Variants in PRMT8 observed in about 807,000 individuals in gnomAD.
PRMT8 encodes the protein protein arginine methyltransferase 8, also known as protein arginine N-methyltransferase 8.
A neutral mutation model predicts 47.1 loss-of-function variants in PRMT8; 7 were observed. The ratio of observed to expected loss-of-function variants is 0.15; its 90% CI spans 0.08 to 0.28. PRMT8 has a LOEUF of 0.28. PRMT8 is among the 10% of genes least tolerant of loss of function. The pLI is 1.00. For synonymous variants in PRMT8, 188 were observed against 186.5 expected (o/e 1.01, Z -0.07); for missense variants, 237 against 505.4 (o/e 0.47, Z 5.09).
intron 1 of PRMT8, among the ~76,000 whole-genome samples, chr12:3,434,761 A>T (rs201047868): frequency 1.1e-4 from 10 of 87,254 alleles, no homozygotes; most frequent in African/African-American, 2.1e-4. Flanking sequence ...TTTTTTTTTT[A>T]AACTCAGATT....
In PRMT8 at chr12:3,491,500, C is replaced by G. The variant is rs947444215; in HGVS notation, c.-126C>G. The stretch of plus-strand genomic sequence containing the variant: ...CGCTGTGGCTGACTGTGCCGGCCGA[C>G]GCTCCAGCTGAGGGGCTGGGTTGGA... On this transcript the variant is annotated 5_prime_UTR_variant, in exon 1 of 10. Coordinates refer to ENST00000382622, the MANE Select transcript of PRMT8 (RefSeq NM_019854.5). The G allele has an allele frequency of 1.4e-6, 2 of 1,444,762 alleles. No homozygotes were observed. The highest frequency in any genetic ancestry group is 1.8e-6 in the Non-Finnish European group (2 of 1,101,742). The allele number at this position is 1,444,762 out of a possible 1,614,324, so 89.5% of individuals were successfully genotyped here.
At chr12:3,447,949 G>T (rs1864875474) in intron 1 of PRMT8, among the ~76,000 whole-genome samples, 1 of 152,172 alleles carries the variant, frequency 6.6e-6, no homozygotes, top group Admixed American at 6.5e-5. Context: ...TAATCTCTAT[G>T]GTCGATTGTC....
intron 1 of PRMT8, among the ~76,000 whole-genome samples, chr12:3,443,559 G>A (rs1374079922): frequency 6.6e-6 from 1 of 152,168 alleles, no homozygotes; most frequent in Admixed American, 6.5e-5. Flanking sequence ...CCTGGCCAAA[G>A]CCACCATCAT....
chr12:3,434,938 A>G (rs1864721317), intron 1 of PRMT8, among the ~76,000 whole-genome samples: 1 of 147,744 alleles, frequency 6.8e-6, no homozygotes, highest in Non-Finnish European at 1.5e-5. Context: ...GAGGTAGAGG[A>G]GTCCCCAGTG....
intron 1 of PRMT8, among the ~76,000 whole-genome samples, chr12:3,533,501 C>T (rs1866067492): frequency 6.6e-6 from 1 of 152,196 alleles, no homozygotes; most frequent in African/African-American, 2.4e-5. Context: ...TTATGGGTGG[C>T]CCAAGACCAT....
chr12:3,476,107 A>G (rs7979079), intron 1 of PRMT8, among the ~76,000 whole-genome samples: 115,290 of 152,046 alleles, frequency 0.76, 43,988 homozygotes, highest in Middle Eastern at 0.86. Context: ...TTTTCCCTCT[A>G]AACACTGAGT....
intron 8 of PRMT8, among the ~76,000 whole-genome samples, chr12:3,588,013 G>A (rs1270326568): frequency 2.0e-5 from 3 of 152,194 alleles, no homozygotes. Flanking sequence ...GGGAACTGGG[G>A]CCCCTGGGGC....
At chr12:3,486,899 G>A (rs2137105685), upstream of PRMT8, among the ~76,000 whole-genome samples, 1 of 152,332 alleles carries the variant, frequency 6.6e-6, no homozygotes, top group East Asian at 1.9e-4. Flanking sequence ...TGGTTTTAAT[G>A]GCAAAAGAAA....
At chr12:3,442,339 A>T (rs116942958) in intron 1 of PRMT8, among the ~76,000 whole-genome samples, 4,271 of 149,682 alleles carry the variant, frequency 0.029, 83 homozygotes, top group Middle Eastern at 0.035. Flanking sequence ...GAGAAAGAAT[A>T]AAAAAAAAAC....
At chr12:3,474,087 A>G (rs907253819) in intron 1 of PRMT8, among the ~76,000 whole-genome samples, 5 of 152,156 alleles carry the variant, frequency 3.3e-5, no homozygotes, top group African/African-American at 9.7e-5. Context: ...ACAAATGCAA[A>G]TTGGCTCATG....
In PRMT8 at chr12:3,473,823, G is replaced by A. The variant is rs115123982; in HGVS notation, c.49-66783G>A. On this transcript the variant is annotated intron_variant, in intron 1 of 9. Transcript: ENST00000452611. ...CAGCCCCGCCTTAGTTTAGCTGGGC[G>A]TATTCCCTGCTTCTCCCTCTCATCC... is the stretch of plus-strand genomic sequence containing the variant. Among the ~76,000 whole-genome samples, 810 of 152,252 alleles carry A rather than the reference G, an allele frequency of 5.3e-3. 6 individuals are homozygous for A. The highest frequency in any genetic ancestry group is 0.024 in the Middle Eastern group (7 of 294).
Position 3,508,973 on chromosome 12 carries a change from C to T in PRMT8, c.75+17273C>T, listed in dbSNP as rs1178095494. ...CATCTGAAATGTTTCTCCTCTTTGT[C>T]CTGAATCTGTCCTCCCCATTCCAGG... On this transcript the variant is annotated intron_variant, in intron 1 of 9. Transcript: ENST00000382622. This position sits in a 1 kb window ranked among gnomAD's most constrained non-coding sequence, Gnocchi z 4.9. Among the ~76,000 whole-genome samples the T allele has an allele frequency of 6.6e-6, 1 of 152,212 alleles. No homozygotes were observed. The highest frequency in any genetic ancestry group is 2.4e-5 in the African/African-American group (1 of 41,448).
In PRMT8 at chr12:3,508,882, A is replaced by T. The variant is rs1285184257; in HGVS notation, c.75+17182A>T. Reference sequence around the variant, plus strand: ...GCCATTCTCACTTTTCTTGGTAATAAGTCACCAAAATCACAAGCCTGAACT... The same window carrying T: ...GCCATTCTCACTTTTCTTGGTAATATGTCACCAAAATCACAAGCCTGAACT... On this transcript the variant is annotated intron_variant, in intron 1 of 9. Transcript: ENST00000382622. The surrounding 1 kb of genome is among the most constrained non-coding windows in gnomAD (Gnocchi z 4.9). Among the ~76,000 whole-genome samples the T allele has an allele frequency of 6.6e-6, 1 of 152,150 alleles. No homozygotes were observed. Among genetic ancestry groups the T allele is most frequent in the Non-Finnish European group, 1.5e-5 (1 of 68,030 alleles).
At chr12:3,591,744 T>C (rs1348179829) in intron 8 of PRMT8, among the ~76,000 whole-genome samples, 1 of 152,120 alleles carries the variant, frequency 6.6e-6, no homozygotes, top group Non-Finnish European at 1.5e-5. Context: ...GCCATATCAG[T>C]GGATCTGGGG....
rs1415111620 is a variant in PRMT8, at chr12:3,535,719, G to C, written c.76-4887G>C. ...GGGACTGGGGGCACTGGAATGTCCA[G>C]TGGGGAGGGACTTGGGCACAGGGAG... On this transcript the variant is annotated intron_variant, in intron 1 of 9. Coordinates refer to ENST00000382622, the MANE Select transcript of PRMT8 (RefSeq NM_019854.5). This position sits in a 1 kb window ranked among gnomAD's most constrained non-coding sequence, Gnocchi z 4.7. Among the ~76,000 whole-genome samples, 1 of 152,216 alleles carries C rather than the reference G, an allele frequency of 6.6e-6. No individual in the cohort carries two copies. Among genetic ancestry groups the C allele is most frequent in the Non-Finnish European group, 1.5e-5 (1 of 68,040 alleles).
chr12:3,457,721 A>G (rs1420028023), intron 1 of PRMT8, among the ~76,000 whole-genome samples: 1 of 152,166 alleles, frequency 6.6e-6, no homozygotes, highest in African/African-American at 2.4e-5. Flanking sequence ...TGGAGAATAT[A>G]GAATACCATT....
chr12:3,579,957 G>T (rs1867024518), intron 7 of PRMT8, among the ~76,000 whole-genome samples: 1 of 152,080 alleles, frequency 6.6e-6, no homozygotes, highest in Admixed American at 6.6e-5. Context: ...CTGCAGAAAA[G>T]AGGAAGCCTC....
In PRMT8 at chr12:3,569,129, C is replaced by T. The variant is rs539306853; in HGVS notation, c.624+281C>T. On this transcript the variant is annotated intron_variant, in intron 5 of 9. Transcript: ENST00000382622. The surrounding 1 kb of genome is among the most constrained non-coding windows in gnomAD (Gnocchi z 8.2). ...CTCTTGTCGAGTTAAAGGTCCGTTTCGGTCAGCAAGTACTTAGGACTTGCA... is the reference window on the plus strand; with the variant it reads ...CTCTTGTCGAGTTAAAGGTCCGTTTTGGTCAGCAAGTACTTAGGACTTGCA... Among the ~76,000 whole-genome samples, 10 of 152,182 alleles carry T rather than the reference C, an allele frequency of 6.6e-5. No homozygotes were observed. The highest frequency in any genetic ancestry group is 6.2e-4 in the South Asian group (3 of 4,828).
intron 8 of PRMT8, among the ~76,000 whole-genome samples, chr12:3,588,016 C>T (rs1038803287): frequency 1.3e-5 from 2 of 152,116 alleles, no homozygotes; most frequent in Non-Finnish European, 2.9e-5. Flanking sequence ...AACTGGGGCC[C>T]CTGGGGCTGC....
Sources: gnomAD v4.1 joint callset for allele counts (sites outside exome capture counted in the v4.1 genomes callset) on GRCh38, gnomAD v4.1.1 for gene constraint, Gnocchi (gnomAD v3.1) non-coding constraint, MANE v1.5 for transcripts, NCBI Gene and HGNC (gene_info 2026-07-23, HGNC 2026-07-21) for gene names.